Variants in UTRN observed in about 807,000 individuals in gnomAD.
The protein encoded by UTRN is dystrophin-related protein 1.
A neutral mutation model predicts 463.9 loss-of-function variants in UTRN; 283 were observed. That is an observed-to-expected ratio of 0.61 (90% CI 0.55 to 0.67). The LOEUF (loss-of-function observed/expected upper bound fraction) is 0.67, where lower values mean the gene tolerates loss of function less well. Among genes scored for constraint, UTRN ranks in the 30% least tolerant of loss-of-function variants. The pLI is 0.00. For missense variants in UTRN, 3,922 were observed against 4,084.3 expected (o/e 0.96, Z 1.08); for synonymous variants, 1,442 against 1,431.5 (o/e 1.01, Z -0.17).
intron 62 of UTRN, among the ~76,000 whole-genome samples, chr6:144,791,506 G>A (rs1434771133): frequency 1.3e-5 from 2 of 151,744 alleles, no homozygotes; most frequent in Admixed American, 1.3e-4. Context: ...CCAGGAATCG[G>A]AGGCTGCAAT....
At chr6:144,483,225 T>C (rs1792071543) in intron 27 of UTRN, among the ~76,000 whole-genome samples, 1 of 152,188 alleles carries the variant, frequency 6.6e-6, no homozygotes, top group South Asian at 2.1e-4. Context: ...AAGATAAATA[T>C]ATATCATTGA....
rs184593993 is a variant in UTRN at position 144,581,521 on chromosome 6, T to C, written c.7479+4233T>C. ...TTTGCTTTTAGCCTCATTTTCATCG[T>C]CTTGTTCCATAGATGCAGACTTTGA... On this transcript the variant is annotated intron_variant, in intron 51 of 74. Transcript: ENST00000367545. Among the ~76,000 whole-genome samples the C allele has an allele frequency of 2.8e-4, 43 of 152,298 alleles. 1 individual carries two copies. The East Asian group carries it at 6.4e-3, about 23-fold the overall frequency.
intron 51 of UTRN, among the ~76,000 whole-genome samples, chr6:144,627,157 G>T (rs1196377573): frequency 8.4e-6 from 1 of 118,910 alleles, no homozygotes; most frequent in African/African-American, 3.1e-5. Flanking sequence ...GGATGAATGG[G>T]ATAGGAGGGT....
chr6:144,400,283 A>T (rs759380300), intron 2 of UTRN, among the ~76,000 whole-genome samples: 1 of 152,190 alleles, frequency 6.6e-6, no homozygotes, highest in East Asian at 1.9e-4. Context: ...TTGCATTCTT[A>T]CACATTTTTG....
chr6:144,637,217 G>T (rs1476020819), intron 51 of UTRN, among the ~76,000 whole-genome samples: 1 of 152,098 alleles, frequency 6.6e-6, no homozygotes, highest in Non-Finnish European at 1.5e-5. Context: ...CAATCTAACT[G>T]CCTCGTCCCT....
chr6:144,594,637 T>C (rs1262086204), intron 51 of UTRN, among the ~76,000 whole-genome samples: 1 of 152,218 alleles, frequency 6.6e-6, no homozygotes, highest in African/African-American at 2.4e-5. Context: ...ATATAATTCA[T>C]GTAAAAGTCA....
At chr6:144,557,563 T>A (rs542733202) in intron 50 of UTRN, among the ~76,000 whole-genome samples, 1 of 152,130 alleles carries the variant, frequency 6.6e-6, no homozygotes, top group Non-Finnish European at 1.5e-5. Context: ...ACCTTGCCAA[T>A]GATTATGTGT....
chr6:144,761,729 C>G (rs552069513), intron 58 of UTRN, among the ~76,000 whole-genome samples: 3 of 151,890 alleles, frequency 2.0e-5, no homozygotes, highest in Non-Finnish European at 2.9e-5. Context: ...TCACAATATA[C>G]AAAAATCTGC....
rs1782471467 is a variant in UTRN, at chr6:144,851,356, A to C, written c.*359A>C. ...TGATACCGTCTTTTTAATAACTATG[A>C]CAAAGCTTACATAAGAATTAGAAGA... is the stretch of plus-strand genomic sequence containing the variant. On this transcript the variant is annotated 3_prime_UTR_variant, in exon 75 of 75. Coordinates refer to ENST00000367545, the MANE Select transcript of UTRN (RefSeq NM_007124.3). The C allele has an allele frequency of 4.5e-6, 1 of 222,868 alleles. No individual in the cohort carries two copies. Among genetic ancestry groups the C allele is most frequent in the African/African-American group, 2.3e-5 (1 of 44,036 alleles). 13.8% of individuals were successfully genotyped at this position (222,868 alleles called of 1,614,324 possible). A position where few individuals can be genotyped will look rare whatever the true frequency, so the allele number is the denominator to read the frequency against.
chr6:144,307,971 C>T (rs1217808477), intron 2 of UTRN, among the ~76,000 whole-genome samples: 3 of 151,964 alleles, frequency 2.0e-5, no homozygotes, highest in Admixed American at 6.6e-5. Flanking sequence ...TTCTTTTCTC[C>T]CAGCCCTCTC....
chr6:144,433,860 T>G (rs1584767835), intron 9 of UTRN, among the ~76,000 whole-genome samples: 1 of 132,826 alleles, frequency 7.5e-6, no homozygotes, highest in African/African-American at 2.9e-5. Context: ...CTTTCCAGAC[T>G]GGGCAGCCAG....
chr6:144,592,973 A>G (rs1321620570), intron 51 of UTRN, among the ~76,000 whole-genome samples: 1 of 152,218 alleles, frequency 6.6e-6, no homozygotes, highest in Non-Finnish European at 1.5e-5. Context: ...CAACAAATAC[A>G]GTATAATAAA....
chr6:144,353,239 C>T (rs181089522), intron 2 of UTRN, among the ~76,000 whole-genome samples: 3 of 152,124 alleles, frequency 2.0e-5, no homozygotes, highest in Admixed American at 6.5e-5. Flanking sequence ...CTCAGCCTCC[C>T]GAGTAGCTGG....
chr6:144,694,144 A>AC lies in UTRN; in HGVS notation c.7653-5943_7653-5942insC, dbSNP rs528478620. ...AAGCCTTTTCTGCATGTATTGAGAT[A>AC]ATCATGTGGTTTTTGTCTTGTTCTG... On this transcript the variant is annotated intron_variant, in intron 52 of 74. Coordinates refer to ENST00000367545, the MANE Select transcript of UTRN (RefSeq NM_007124.3). Among the ~76,000 whole-genome samples, 16 of 151,984 alleles carry AC rather than the reference A, an allele frequency of 1.1e-4. No homozygotes were observed. The East Asian group carries it at 1.4e-3, about 13-fold the overall frequency.
chr6:144,626,263 T>C lies in UTRN; in HGVS notation c.7479+48975T>C, dbSNP rs1371015516. On this transcript the variant is annotated intron_variant, in intron 51 of 74. Coordinates refer to ENST00000367545, the MANE Select transcript of UTRN (RefSeq NM_007124.3). ...TTATTTCAACAAACATCTGAAAAAC[T>C]CTCCTTATCACAGGGTCAGTAATAA... 2.0e-5 allele frequency among the ~76,000 whole-genome samples: 3 copies of C among 152,188 alleles called. 1 individual carries two copies. Among genetic ancestry groups the C allele is most frequent in the South Asian group, 4.1e-4 (2 of 4,830 alleles).
intron 2 of UTRN, among the ~76,000 whole-genome samples, chr6:144,367,824 C>G: frequency 6.6e-6 from 1 of 152,150 alleles, no homozygotes; most frequent in South Asian, 2.1e-4. Context: ...CTCTTTTGCC[C>G]AGGCTGGAGT....
chr6:144,482,580 AAG>A, intron 27 of UTRN, among the ~76,000 whole-genome samples, 192 bp downstream of exon 27: 1 of 152,220 alleles, frequency 6.6e-6, no homozygotes, highest in African/African-American at 2.4e-5. Flanking sequence ...ATAAAAATGA[AAG>A]AGGGGTTAAA....
chr6:144,508,883 T>C (rs910780059), intron 34 of UTRN, among the ~76,000 whole-genome samples: 12 of 152,246 alleles, frequency 7.9e-5, no homozygotes. Context: ...TCATATATTC[T>C]TATTTTCCTG....
chr6:144,754,906 A>G, intron 57 of UTRN, 108 bp downstream of exon 57: 1 of 1,073,656 alleles, frequency 9.3e-7, no homozygotes. Flanking sequence ...TTATTTAGAT[A>G]GATCCTTGTA....
Sources: allele counts gnomAD v4.1 joint callset (sites outside exome capture counted in the v4.1 genomes callset), GRCh38; gene constraint gnomAD v4.1.1; transcripts MANE v1.5; gene names NCBI Gene and HGNC (gene_info 2026-07-23, HGNC 2026-07-21).